LARGE1: variants seen among roughly 807,000 people sequenced by gnomAD.
LARGE1 encodes LARGE xylosyl- and glucuronyltransferase 1, also known as xylosyl- and glucuronyltransferase LARGE1.
Under a neutral mutation model 87.6 loss-of-function variants are expected in LARGE1, and 43 were observed. The ratio of observed to expected loss-of-function variants is 0.49; its 90% CI spans 0.38 to 0.63. The LOEUF (loss-of-function observed/expected upper bound fraction) is 0.63. LARGE1 is among the 30% of genes least tolerant of loss of function. The pLI is 0.00. For missense variants in LARGE1, 802 were observed against 1,000.2 expected, an observed-to-expected ratio of 0.80 and a Z score of 2.67; for synonymous variants, 434 against 394.6, an observed-to-expected ratio of 1.10 and a Z score of -1.18.
At chr22:33,085,101 C>A in the LARGE1 span, among the ~76,000 whole-genome samples, 1 of 152,212 alleles carries the variant, frequency 6.6e-6, no homozygotes, top group Admixed American at 6.5e-5. Flanking sequence ...CATGGCAAAA[C>A]CCCGTCTCTA....
chr22:33,479,393 A>G (rs1162455317), intron 6 of LARGE1, among the ~76,000 whole-genome samples: 1 of 152,214 alleles, frequency 6.6e-6, no homozygotes, highest in African/African-American at 2.4e-5. Flanking sequence ...ATGAACAAAC[A>G]GAAGGAAGAG....
At chr22:33,129,294 A>C in the LARGE1 span, among the ~76,000 whole-genome samples, 1 of 152,164 alleles carries the variant, frequency 6.6e-6, no homozygotes, top group Non-Finnish European at 1.5e-5. Context: ...CTTTGGGATG[A>C]AGAATCAGGT....
chr22:33,407,981 CTTTTT>C (rs35056659), intron 7 of LARGE1, among the ~76,000 whole-genome samples: 1 of 139,556 alleles, frequency 7.2e-6, no homozygotes, highest in African/African-American at 2.6e-5. Flanking sequence ...GGAAGATAAA[CTTTTT>C]TTTTTTTTTT....
chr22:33,362,825 G>T (rs190044348), intron 9 of LARGE1, among the ~76,000 whole-genome samples: 5 of 149,756 alleles, frequency 3.3e-5, no homozygotes, highest in Admixed American at 1.3e-4. Flanking sequence ...AGACTAAAGG[G>T]GGGAAAATAG....
intron 2 of LARGE1, among the ~76,000 whole-genome samples, chr22:33,735,600 T>C (rs1311892310): frequency 6.6e-6 from 1 of 152,182 alleles, no homozygotes; most frequent in Non-Finnish European, 1.5e-5. Context: ...CCTGGTCCTG[T>C]TTTGCCTTCA....
intron 2 of LARGE1, among the ~76,000 whole-genome samples, chr22:33,657,576 T>C (rs946485529): frequency 6.6e-6 from 1 of 152,024 alleles, no homozygotes; most frequent in Non-Finnish European, 1.5e-5. Context: ...TCAAATTTTA[T>C]TTCCAAACAC....
chr22:33,553,658 G>A (rs2077593616), intron 6 of LARGE1, among the ~76,000 whole-genome samples: 2 of 152,116 alleles, frequency 1.3e-5, no homozygotes, highest in South Asian at 2.1e-4. Context: ...TACCCCATGG[G>A]TATCATTCTC....
intron 2 of LARGE1, among the ~76,000 whole-genome samples, chr22:33,655,713 T>C (rs1044947378): frequency 2.6e-5 from 4 of 152,160 alleles, no homozygotes; most frequent in Admixed American, 1.3e-4. Flanking sequence ...CCCCAGGTCC[T>C]GGCATGCTCC....
At chr22:33,161,253 C>T (rs1444028483), downstream of LARGE1, among the ~76,000 whole-genome samples, 1 of 152,108 alleles carries the variant, frequency 6.6e-6, no homozygotes, top group Admixed American at 6.5e-5. Context: ...CTCCCACGAC[C>T]CATGGGGATG....
intron 6 of LARGE1, among the ~76,000 whole-genome samples, chr22:33,443,321 A>G (rs1187306475): frequency 1.3e-5 from 2 of 152,180 alleles, no homozygotes; most frequent in Non-Finnish European, 2.9e-5. Flanking sequence ...TTCTCTCCCC[A>G]AGGGAATGGC....
chr22:33,309,056 C>T (rs1393476010), intron 11 of LARGE1, among the ~76,000 whole-genome samples: 1 of 152,184 alleles, frequency 6.6e-6, no homozygotes, highest in Non-Finnish European at 1.5e-5. Context: ...GCCTAGGCGC[C>T]TGCATTTCAG....
intron 4 of LARGE1, among the ~76,000 whole-genome samples, chr22:33,606,276 A>G (rs1250820736): frequency 6.6e-6 from 1 of 151,916 alleles, no homozygotes; most frequent in African/African-American, 2.4e-5. Flanking sequence ...GTGGTGGCAC[A>G]TGCCTGTAGT....
At chr22:33,769,905 T>A (rs2168484) in intron 1 of LARGE1, among the ~76,000 whole-genome samples, 2,681 of 152,334 alleles carry the variant, frequency 0.018, 65 homozygotes, top group African/African-American at 0.06. Context: ...GTCCTCCCTG[T>A]CCTTGGCAAC....
chr22:33,453,451 T>C (rs2068017423), intron 6 of LARGE1, among the ~76,000 whole-genome samples: 1 of 151,964 alleles, frequency 6.6e-6, no homozygotes, highest in Non-Finnish European at 1.5e-5. Context: ...ACTCTTAACT[T>C]GGACAGCTAC....
chr22:33,510,914 T>C (rs969270580), intron 6 of LARGE1, among the ~76,000 whole-genome samples: 1 of 152,212 alleles, frequency 6.6e-6, no homozygotes, highest in Non-Finnish European at 1.5e-5. Flanking sequence ...CTGAAGTCCG[T>C]GCTACATGCC....
chr22:33,508,996 G>A (rs549274585), intron 6 of LARGE1, among the ~76,000 whole-genome samples: 23 of 152,238 alleles, frequency 1.5e-4, no homozygotes, highest in African/African-American at 5.5e-4. Flanking sequence ...TCAATTTACC[G>A]CTCTGATTGT....
intron 1 of LARGE1, among the ~76,000 whole-genome samples, chr22:33,894,711 C>T (rs549962052): frequency 6.6e-6 from 1 of 152,118 alleles, no homozygotes; most frequent in South Asian, 2.1e-4. Flanking sequence ...CAAGGTCACA[C>T]ACATGTGTGT....
intron 1 of LARGE1, among the ~76,000 whole-genome samples, chr22:33,779,831 G>T (rs575939989): frequency 7.6e-6 from 1 of 131,438 alleles, no homozygotes; most frequent in Admixed American, 8.2e-5. Context: ...CTAGGGGGTG[G>T]TAAGAGGGTA....
chr22:33,228,713 A>G (rs1376271098), intron 11 of LARGE1, among the ~76,000 whole-genome samples: 1 of 152,252 alleles, frequency 6.6e-6, no homozygotes, highest in African/African-American at 2.4e-5. Context: ...GGATAAAAAC[A>G]AAATGGAAAA....
Sources: gnomAD v4.1 joint callset for allele counts (sites outside exome capture counted in the v4.1 genomes callset) on GRCh38, gnomAD v4.1.1 for gene constraint, MANE v1.5 for transcripts, NCBI Gene and HGNC (gene_info 2026-07-23, HGNC 2026-07-21) for gene names.